ARGFX: variants seen among roughly 807,000 people sequenced by gnomAD.
ARGFX encodes arginine-fifty homeobox.
ARGFX carries 10 observed loss-of-function variants against 8.0 expected under a neutral mutation model. The observed-to-expected ratio is 1.25, with a 90% CI of 0.77 to 2.12. The LOEUF (loss-of-function observed/expected upper bound fraction) is 2.12, where lower values mean the gene tolerates loss of function less well. Among genes scored for constraint, ARGFX ranks in the 30% most tolerant of loss-of-function variants. The pLI is 0.00. For synonymous variants in ARGFX, 116 were observed against 117.8 expected (o/e 0.98, Z 0.10); for missense variants, 282 against 324.3 (o/e 0.87, Z 1.00).
intron 1 of ARGFX, among the ~76,000 whole-genome samples, chr3:121,568,501 C>T (rs904860076): frequency 2.6e-5 from 4 of 152,162 alleles, no homozygotes; most frequent in African/African-American, 7.2e-5. Flanking sequence ...CCAGTTGAAT[C>T]GTTTGCTTCT....
At chr3:121,577,153 T>A (rs1257588231) in intron 3 of ARGFX, among the ~76,000 whole-genome samples, 1 of 133,240 alleles carries the variant, frequency 7.5e-6, no homozygotes, top group Non-Finnish European at 1.7e-5. Flanking sequence ...TAAATTATAA[T>A]TTTGAGTTAT....
chr3:121,581,881 C>T (rs13096657), intron 3 of ARGFX, among the ~76,000 whole-genome samples: 19,376 of 151,832 alleles, frequency 0.13, 1,319 homozygotes, highest in African/African-American at 0.14. Flanking sequence ...GCAATCCAGC[C>T]TGGGCTGGTG....
rs906640979 is a variant in ARGFX, at chr3:121,573,342, G to A, written c.103+2526G>A. On this transcript the variant is annotated intron_variant, in intron 2 of 4. Transcript: ENST00000334384. ...CTAAAAATACAAAAATTAGCCAGGC[G>A]TGGTGGCAGGCGCCTGTAATCTCAG... 6.6e-5 allele frequency among the ~76,000 whole-genome samples: 10 copies of A among 151,718 alleles called. No homozygotes were observed. In the East Asian group the frequency reaches 1.4e-3, roughly 21 times the overall value.
chr3:121,583,022 G>A (rs1043587281), intron 3 of ARGFX, among the ~76,000 whole-genome samples: 1 of 140,528 alleles, frequency 7.1e-6, no homozygotes, highest in Non-Finnish European at 1.5e-5. Flanking sequence ...TGATAATTGC[G>A]GGATTTTTTT....
At chr3:121,575,647 C>T (rs1229040393) in intron 2 of ARGFX, among the ~76,000 whole-genome samples, 1 of 152,106 alleles carries the variant, frequency 6.6e-6, no homozygotes, top group Non-Finnish European at 1.5e-5. Context: ...GGCACAGTGC[C>T]TCATGCCTGT....
chr3:121,579,874 C>T (rs1297781197), intron 3 of ARGFX, among the ~76,000 whole-genome samples: 2 of 151,912 alleles, frequency 1.3e-5, no homozygotes, highest in African/African-American at 2.4e-5. Context: ...CAGGCATGAG[C>T]CACCGCACCT....
intron 2 of ARGFX, among the ~76,000 whole-genome samples, chr3:121,573,401 A>G (rs1200392917): frequency 6.6e-6 from 1 of 151,902 alleles, no homozygotes; most frequent in Non-Finnish European, 1.5e-5. Context: ...GAATCGCTTG[A>G]ACTTGGGAGA....
At chr3:121,578,120 C>CTTTT (rs35072728) in intron 3 of ARGFX, among the ~76,000 whole-genome samples, 20 of 113,096 alleles carry the variant, frequency 1.8e-4, no homozygotes, top group African/African-American at 6.1e-4. Context: ...CCCTACCCCA[C>CTTTT]TTTTTTTTTT....
chr3:121,589,682 GT>G lies in ARGFX; in HGVS notation c.*3089del, dbSNP rs561238551. 2.0e-4 allele frequency among the ~76,000 whole-genome samples: 31 copies of G among 152,160 alleles called. No homozygotes were observed. The highest frequency in any genetic ancestry group is 3.4e-4 in the Non-Finnish European group (23 of 68,006). On this transcript the variant is annotated 3_prime_UTR_variant, in exon 5 of 5. Transcript: ENST00000334384. ...TGAGCTACCTCACCTGGCCAAAACA[GT>G]TTTTTTAGAAATGAAGTATATTAGA...
At chr3:121,580,606 A>ATATTTTTTTTT (rs1227697987) in intron 3 of ARGFX, among the ~76,000 whole-genome samples, 1 of 115,194 alleles carries the variant, frequency 8.7e-6, no homozygotes, top group African/African-American at 3.2e-5. Context: ...ATATATATAT[A>ATATTTTTTTTT]TTTTTTTTTT....
At chr3:121,572,241 T>G (rs1481851297) in intron 2 of ARGFX, among the ~76,000 whole-genome samples, 88 of 76,458 alleles carry the variant, frequency 1.2e-3, no homozygotes, top group Middle Eastern at 8.1e-3. Flanking sequence ...TTGTTGTTTT[T>G]TTTTTTTTTT....
chr3:121,576,407 C>T (rs2048736364), intron 2 of ARGFX, among the ~76,000 whole-genome samples: 1 of 152,030 alleles, frequency 6.6e-6, no homozygotes, highest in Non-Finnish European at 1.5e-5. Context: ...AGTGTGATCT[C>T]GACTCACCGC....
At chr3:121,582,134 A>G (rs2048783847) in intron 3 of ARGFX, among the ~76,000 whole-genome samples, 1 of 152,160 alleles carries the variant, frequency 6.6e-6, no homozygotes, top group Non-Finnish European at 1.5e-5. Flanking sequence ...TGTTATTTTT[A>G]AACAATTTAC....
intron 4 of ARGFX, among the ~76,000 whole-genome samples, chr3:121,585,675 C>T (rs2048807974): frequency 6.6e-6 from 1 of 151,870 alleles, no homozygotes; most frequent in African/African-American, 2.4e-5. Context: ...ATAGGAGAGG[C>T]CTCCTAAAAT....
intron 3 of ARGFX, among the ~76,000 whole-genome samples, chr3:121,578,276 C>T (rs977019829): frequency 1.1e-4 from 16 of 152,024 alleles, no homozygotes; most frequent in East Asian, 7.8e-4. Context: ...TACAGGCATG[C>T]GCCACCATAC....
chr3:121,569,468 C>T (rs1012224132), intron 1 of ARGFX, among the ~76,000 whole-genome samples: 3 of 150,094 alleles, frequency 2.0e-5, no homozygotes, highest in African/African-American at 4.9e-5. Flanking sequence ...TGGGTTCAAG[C>T]GATTCTTCTG....
At chr3:121,584,802 G>T in intron 3 of ARGFX, 115 bp from the exon 4 acceptor site, 1 of 1,242,878 alleles carries the variant, frequency 8.0e-7, no homozygotes, top group South Asian at 1.5e-5. Context: ...CCTGGTTGGA[G>T]GAAAGGCATG....
chr3:121,574,977 A>G (rs2108835274), intron 2 of ARGFX, among the ~76,000 whole-genome samples: 1 of 152,346 alleles, frequency 6.6e-6, no homozygotes, highest in Non-Finnish European at 1.5e-5. Flanking sequence ...TTGCTGTTTC[A>G]CACAATTTCA....
chr3:121,575,044 G>T (rs775786508), intron 2 of ARGFX, among the ~76,000 whole-genome samples: 1 of 152,154 alleles, frequency 6.6e-6, no homozygotes, highest in African/African-American at 2.4e-5. Context: ...GCCAGGCCAG[G>T]TGCAGTAGCT....
Sources: gnomAD v4.1 joint callset for allele counts (sites outside exome capture counted in the v4.1 genomes callset) on GRCh38, gnomAD v4.1.1 for gene constraint, MANE v1.5 for transcripts, NCBI Gene and HGNC (gene_info 2026-07-23, HGNC 2026-07-21) for gene names.